Variants in HELZ observed in about 807,000 individuals in gnomAD.
HELZ encodes ATP-dependent RNA helicase with zinc finger domain.
HELZ carries 23 observed loss-of-function variants against 218.2 expected under a neutral mutation model. The observed-to-expected ratio is 0.11, with a 90% CI of 0.08 to 0.15. The LOEUF (loss-of-function observed/expected upper bound fraction) is 0.15, where lower values mean the gene tolerates loss of function less well. Ranked by LOEUF, HELZ falls within the 10% of genes least tolerant of loss-of-function variation. HELZ has a pLI of 1.00. For missense variants in HELZ, 1,813 were observed against 2,353.7 expected, an observed-to-expected ratio of 0.77 and a Z score of 4.75; for synonymous variants, 814 against 829.4, an observed-to-expected ratio of 0.98 and a Z score of 0.32.
chr17:67,093,839 T>C (rs139655007), intron 31 of HELZ, among the ~76,000 whole-genome samples: 1 of 152,224 alleles, frequency 6.6e-6, no homozygotes, highest in Non-Finnish European at 1.5e-5. Flanking sequence ...ATTATTTTCA[T>C]ACAATTTCTA....
intron 32 of HELZ, among the ~76,000 whole-genome samples, chr17:67,079,264 T>C (rs2036112241): frequency 6.6e-6 from 1 of 152,222 alleles, no homozygotes; most frequent in Non-Finnish European, 1.5e-5. Flanking sequence ...ATTATAAACA[T>C]AATACAAATT....
chr17:67,081,506 A>G (rs1394656927), intron 32 of HELZ, among the ~76,000 whole-genome samples: 1 of 152,242 alleles, frequency 6.6e-6, no homozygotes, highest in East Asian at 1.9e-4. Context: ...TACAGTGTCT[A>G]AACTGCACAT....
chr17:67,233,344 C>A (rs553002886), intron 3 of HELZ, among the ~76,000 whole-genome samples: 38 of 152,242 alleles, frequency 2.5e-4, no homozygotes, highest in Admixed American at 1.9e-3. Context: ...CAGAGCAAGA[C>A]CCTGTCTCAA....
chr17:67,089,666 T>TAGAGAGAGAGAGAG (rs1204609061), intron 31 of HELZ, among the ~76,000 whole-genome samples: 6 of 54,820 alleles, frequency 1.1e-4, no homozygotes, highest in African/African-American at 3.5e-4. Flanking sequence ...TATATATATA[T>TAGAGAGAGAGAGAG]ATAGAGAGAG....
chr17:67,141,686 G>C (rs1321151042), intron 21 of HELZ, among the ~76,000 whole-genome samples: 4 of 151,824 alleles, frequency 2.6e-5, no homozygotes, highest in African/African-American at 9.7e-5. Context: ...GATAAATTAA[G>C]ATATATATTG....
chr17:67,079,720 G>A (rs532545865), intron 32 of HELZ, among the ~76,000 whole-genome samples: 1 of 152,298 alleles, frequency 6.6e-6, no homozygotes, highest in East Asian at 1.9e-4. Context: ...CATGATAACT[G>A]TTTAAAAGCT....
At chr17:67,199,982 A>G (rs2040127761) in intron 7 of HELZ, among the ~76,000 whole-genome samples, 1 of 151,834 alleles carries the variant, frequency 6.6e-6, no homozygotes, top group Non-Finnish European at 1.5e-5. Context: ...CATATCACCT[A>G]CCTCTCTGTG....
chr17:67,193,390 T>G (rs368128397), intron 9 of HELZ, among the ~76,000 whole-genome samples: 2 of 149,188 alleles, frequency 1.3e-5, no homozygotes, highest in Admixed American at 6.7e-5. Flanking sequence ...GGACAGAAAT[T>G]AAGTTCAGCC....
At chr17:67,155,110 A>C (rs1369718412) in intron 17 of HELZ, among the ~76,000 whole-genome samples, 1 of 152,238 alleles carries the variant, frequency 6.6e-6, no homozygotes, top group Non-Finnish European at 1.5e-5. Context: ...ACTTTGTCAG[A>C]AGGGTTGAAA....
chr17:67,080,668 C>T (rs2143531172), intron 32 of HELZ, among the ~76,000 whole-genome samples: 1 of 152,288 alleles, frequency 6.6e-6, no homozygotes, highest in East Asian at 1.9e-4. Context: ...CCTTTGTAAA[C>T]TTATCATTTT....
chr17:67,096,256 C>T (rs939355665), intron 31 of HELZ, among the ~76,000 whole-genome samples: 2 of 150,600 alleles, frequency 1.3e-5, no homozygotes, highest in Non-Finnish European at 2.9e-5. Flanking sequence ...ATTTATAGAG[C>T]ACAGGCAGCA....
At chr17:67,081,804 C>T (rs914477563) in intron 32 of HELZ, among the ~76,000 whole-genome samples, 2 of 151,818 alleles carry the variant, frequency 1.3e-5, no homozygotes, top group South Asian at 2.1e-4. Flanking sequence ...GTATGTGGGG[C>T]GGGGCAGGGG....
intron 21 of HELZ, among the ~76,000 whole-genome samples, chr17:67,140,354 A>C (rs1430299377): frequency 1.3e-5 from 2 of 152,180 alleles, no homozygotes; most frequent in South Asian, 4.1e-4. Flanking sequence ...AACTGGCAAA[A>C]TTCTGCCTCC....
intron 13 of HELZ, among the ~76,000 whole-genome samples, chr17:67,177,947 A>G (rs1451265197): frequency 6.6e-6 from 1 of 152,146 alleles, no homozygotes; most frequent in Non-Finnish European, 1.5e-5. Context: ...GCTGTATTTA[A>G]AAGTAAAACT....
intron 21 of HELZ, among the ~76,000 whole-genome samples, chr17:67,139,170 C>T (rs946291254): frequency 6.6e-6 from 1 of 151,966 alleles, no homozygotes. Flanking sequence ...TTACTGACTA[C>T]GAAGCAGTTC....
chr17:67,191,894 G>C (rs1417252394), intron 9 of HELZ, among the ~76,000 whole-genome samples: 1 of 150,740 alleles, frequency 6.6e-6, no homozygotes, highest in Non-Finnish European at 1.5e-5. Flanking sequence ...GAGAAAAAAT[G>C]AAAATTAAAC....
intron 3 of HELZ, among the ~76,000 whole-genome samples, chr17:67,238,072 A>G (rs2041231109): frequency 6.6e-6 from 1 of 151,540 alleles, no homozygotes; most frequent in East Asian, 1.9e-4. Context: ...ATGGCCAGGC[A>G]TGGTGGCTCA....
intron 26 of HELZ, 132 bp from the exon 27 acceptor site, chr17:67,120,744 C>T: frequency 1.6e-6 from 1 of 644,834 alleles, no homozygotes; most frequent in Middle Eastern, 4.2e-4. Context: ...TTAATTTTCT[C>T]AAAATAAATA....
chr17:67,090,600 A>G (rs2050359550), intron 31 of HELZ, among the ~76,000 whole-genome samples: 1 of 152,026 alleles, frequency 6.6e-6, no homozygotes, highest in Non-Finnish European at 1.5e-5. Flanking sequence ...TATGCCATCT[A>G]TTTCATCTTT....
Sources: gnomAD v4.1 joint callset for allele counts (sites outside exome capture counted in the v4.1 genomes callset) on GRCh38, gnomAD v4.1.1 for gene constraint, MANE v1.5 for transcripts, NCBI Gene and HGNC (gene_info 2026-07-23, HGNC 2026-07-21) for gene names.